Variants in PCDH15 observed in about 807,000 individuals in gnomAD.
The protein encoded by PCDH15 is protocadherin related 15.
In PCDH15, 129 loss-of-function variants were observed where a neutral mutation model predicts 178.5. That is an observed-to-expected ratio of 0.72 (90% CI 0.63 to 0.84). PCDH15 has a LOEUF of 0.84. PCDH15 is among the 40% of genes least tolerant of loss of function. PCDH15 has a pLI of 0.00. For synonymous variants in PCDH15, 800 were observed against 732.0 expected (o/e 1.09, Z -1.50); for missense variants, 2,230 against 2,099.9 (o/e 1.06, Z -1.21).
intron 2 of PCDH15, among the ~76,000 whole-genome samples, chr10:54,583,100 C>T (rs868347218): frequency 3.3e-5 from 5 of 151,906 alleles, no homozygotes; most frequent in Admixed American, 6.6e-5. Context: ...CTGAATTTTG[C>T]GTTATTACTT....
At chr10:53,984,122 C>CTTTTTTT (rs57184119) in intron 21 of PCDH15, among the ~76,000 whole-genome samples, 4 of 112,656 alleles carry the variant, frequency 3.6e-5, no homozygotes, top group African/African-American at 7.1e-5. Context: ...AAGTGCTTTT[C>CTTTTTTT]TTTTTTTTTT....
chr10:54,529,015 C>A (rs139812207), intron 2 of PCDH15, among the ~76,000 whole-genome samples: 377 of 152,028 alleles, frequency 2.5e-3, no homozygotes, highest in African/African-American at 8.9e-3. Context: ...TACAGCAGTG[C>A]AAATTAATTT....
At chr10:54,693,509 C>T (rs2095166749) in intron 1 of PCDH15, among the ~76,000 whole-genome samples, 1 of 152,016 alleles carries the variant, frequency 6.6e-6, no homozygotes, top group Non-Finnish European at 1.5e-5. Flanking sequence ...TTTTCTCACC[C>T]TTGAGAATTA....
At chr10:55,612,338 CAAGAATCCAAGACTCTG>C (rs1267197981) in intron 2 of PCDH15, among the ~76,000 whole-genome samples, 5 of 151,812 alleles carry the variant, frequency 3.3e-5, no homozygotes, top group African/African-American at 4.8e-5. Flanking sequence ...GGAGCTGAGC[CAAGAATCCAAGACTCTG>C]AATTTAGATT....
intron 25 of PCDH15, among the ~76,000 whole-genome samples, chr10:53,906,555 T>C (rs1353181784): frequency 3.9e-5 from 6 of 152,214 alleles, no homozygotes; most frequent in Non-Finnish European, 8.8e-5. Context: ...TGATATTCAA[T>C]TAATTTGTTA....
chr10:54,673,440 GTTGT>G (rs918163470), intron 1 of PCDH15, among the ~76,000 whole-genome samples: 51 of 151,744 alleles, frequency 3.4e-4, no homozygotes, highest in African/African-American at 9.7e-4. Context: ...ACTTTTTTTT[GTTGT>G]TTGTTTGTTT....
chr10:54,334,680 A>G (rs2795920), intron 6 of PCDH15, among the ~76,000 whole-genome samples: 74,768 of 126,158 alleles, frequency 0.59, 18,964 homozygotes, highest in Middle Eastern at 0.7. Flanking sequence ...TAATTTCTAA[A>G]GAACACACAC....
chr10:54,411,642 G>A (rs534842573), intron 3 of PCDH15, among the ~76,000 whole-genome samples: 107 of 152,248 alleles, frequency 7.0e-4, no homozygotes, highest in African/African-American at 2.3e-3. Flanking sequence ...ATAAGTGCTG[G>A]TTGCTGCTAC....
chr10:54,329,680 G>A lies in PCDH15; in HGVS notation c.621C>T (p.Pro207=). The A allele has an allele frequency of 6.2e-7, 1 of 1,605,474 alleles. No homozygotes were observed. Among genetic ancestry groups the A allele is most frequent in the Non-Finnish European group, 8.5e-7 (1 of 1,172,606 alleles). The part of the protein sequence containing the change: ...DPTSNDTFEI[P]LMLTGNIVLR... The stretch of plus-strand genomic sequence containing the variant: ...ACACTATATTTCCAGTCAACATTAG[G>A]GGAATTTCAAAGGTGTCATTGGATG... The change falls in exon 7 of 38, where the codon CCC becomes CCT. Residue 207 remains proline (P), a synonymous_variant. Transcript: ENST00000644397.
chr10:55,604,587 A>G (rs1311011705), intron 2 of PCDH15, among the ~76,000 whole-genome samples: 10 of 146,330 alleles, frequency 6.8e-5, no homozygotes, highest in African/African-American at 2.5e-4. Context: ...CAGGATTAAG[A>G]ATCTCACTCA....
intron 1 of PCDH15, among the ~76,000 whole-genome samples, chr10:55,293,576 C>T (rs1207772966): frequency 6.6e-6 from 1 of 152,164 alleles, no homozygotes; most frequent in African/African-American, 2.4e-5. Context: ...ACATCTTGAA[C>T]ACTTTGCTGC....
intron 37 of PCDH15, chr10:53,808,693 C>G: frequency 6.2e-7 from 1 of 1,611,664 alleles, no homozygotes; most frequent in Non-Finnish European, 8.5e-7. Flanking sequence ...TGATCTCTTT[C>G]AAAGTGCTGT....
chr10:55,487,605 G>A (rs978482250), intron 2 of PCDH15, among the ~76,000 whole-genome samples: 18 of 151,662 alleles, frequency 1.2e-4, no homozygotes, highest in African/African-American at 4.1e-4. Flanking sequence ...ACAATAGCCT[G>A]CTTAAATCCA....
At chr10:53,844,266 A>T (rs990819897) in intron 28 of PCDH15, among the ~76,000 whole-genome samples, 9 of 152,050 alleles carry the variant, frequency 5.9e-5, no homozygotes, top group Non-Finnish European at 1.5e-5. Context: ...AAGGAGGCAC[A>T]CTGGTTGCTG....
chr10:55,528,264 A>ATGT (rs1349545944), intron 2 of PCDH15, among the ~76,000 whole-genome samples: 1 of 151,934 alleles, frequency 6.6e-6, no homozygotes, highest in East Asian at 1.9e-4. Context: ...TTTAGGGTAC[A>ATGT]TGTATACAAC....
intron 2 of PCDH15, among the ~76,000 whole-genome samples, chr10:55,469,649 TC>T (rs1357714059): frequency 6.6e-6 from 1 of 152,022 alleles, no homozygotes; most frequent in African/African-American, 2.4e-5. Context: ...AATGTTATCA[TC>T]CCTATAAAGT....
intron 1 of PCDH15, among the ~76,000 whole-genome samples, chr10:55,289,623 T>G (rs1432928330): frequency 6.6e-6 from 1 of 152,072 alleles, no homozygotes; most frequent in Non-Finnish European, 1.5e-5. Context: ...ATTTGTGCAT[T>G]TTATATAGGG....
At chr10:54,973,306 A>G (rs1300477569) in intron 2 of PCDH15, among the ~76,000 whole-genome samples, 1 of 152,220 alleles carries the variant, frequency 6.6e-6, no homozygotes, top group Non-Finnish European at 1.5e-5. Context: ...ATATTTATAG[A>G]TATGGAAAAT....
At chr10:54,762,578 T>A (rs1259161972) in intron 1 of PCDH15, among the ~76,000 whole-genome samples, 5 of 152,172 alleles carry the variant, frequency 3.3e-5, no homozygotes, top group Admixed American at 6.5e-5. Context: ...ACTTTATGTT[T>A]GTCTTGTTTG....
Sources: gnomAD v4.1 joint callset for allele counts (sites outside exome capture counted in the v4.1 genomes callset) on GRCh38, gnomAD v4.1.1 for gene constraint, MANE v1.5 for transcripts, NCBI Gene and HGNC (gene_info 2026-07-23, HGNC 2026-07-21) for gene names.